The following MARCHF3 variants were observed in gnomAD, a reference collection of about 807,000 sequenced individuals.
MARCHF3 encodes the protein E3 ubiquitin-protein ligase MARCHF3.
MARCHF3 carries 13 observed loss-of-function variants against 24.2 expected under a neutral mutation model. That is an observed-to-expected ratio of 0.54 (90% CI 0.35 to 0.85). MARCHF3 has a LOEUF of 0.85. Ranked by LOEUF, MARCHF3 falls within the 40% of genes least tolerant of loss-of-function variation. The pLI, the probability that MARCHF3 is intolerant of heterozygous loss-of-function variation, is 0.01. For synonymous variants in MARCHF3, 144 were observed against 137.3 expected (o/e 1.05, Z -0.34); for missense variants, 276 against 325.0 (o/e 0.85, Z 1.16).
At chr5:126,991,523 T>A (rs539453423) in intron 1 of MARCHF3, among the ~76,000 whole-genome samples, 1 of 152,260 alleles carries the variant, frequency 6.6e-6, no homozygotes, top group African/African-American at 2.4e-5. Context: ...GTTGTGCACA[T>A]GTACCCTAGA....
intron 3 of MARCHF3, among the ~76,000 whole-genome samples, chr5:126,881,559 AATACC>A (rs1213601193): frequency 6.6e-6 from 1 of 152,232 alleles, no homozygotes; most frequent in Non-Finnish European, 1.5e-5. Flanking sequence ...CTTAACATAG[AATACC>A]ATACATTAAT....
intron 3 of MARCHF3, among the ~76,000 whole-genome samples, chr5:126,913,409 G>A (rs1486081589): frequency 6.6e-6 from 1 of 152,184 alleles, no homozygotes; most frequent in Non-Finnish European, 1.5e-5. Flanking sequence ...TTTGCCATTA[G>A]GCTTGAGAAA....
At chr5:126,911,711 T>C (rs1580632763) in intron 3 of MARCHF3, among the ~76,000 whole-genome samples, 1 of 152,100 alleles carries the variant, frequency 6.6e-6, no homozygotes, top group Non-Finnish European at 1.5e-5. Flanking sequence ...TAAATAGATA[T>C]CTACTAACCA....
At chr5:126,903,179 CTT>C (rs946487665) in intron 3 of MARCHF3, among the ~76,000 whole-genome samples, 24 of 151,944 alleles carry the variant, frequency 1.6e-4, no homozygotes, top group Non-Finnish European at 3.1e-4. Context: ...TTAGAGAACT[CTT>C]TTAAAGGTGA....
chr5:126,894,605 G>C (rs1205203905), intron 3 of MARCHF3, among the ~76,000 whole-genome samples: 1 of 151,924 alleles, frequency 6.6e-6, no homozygotes, highest in Non-Finnish European at 1.5e-5. Context: ...TAAGAATGTT[G>C]AATATTGGCC....
intron 3 of MARCHF3, among the ~76,000 whole-genome samples, chr5:126,886,007 T>TAA (rs1190707860): frequency 4.0e-5 from 6 of 148,310 alleles, no homozygotes; most frequent in East Asian, 2.0e-4. Context: ...TATATATATA[T>TAA]AATTTTTTTT....
At chr5:126,880,170 T>C (rs1753297286) in intron 3 of MARCHF3, among the ~76,000 whole-genome samples, 1 of 151,562 alleles carries the variant, frequency 6.6e-6, no homozygotes, top group Non-Finnish European at 1.5e-5. Flanking sequence ...AATGAGTGAG[T>C]AAAAGAAGCA....
At chr5:126,946,092 C>T (rs922505099) in intron 1 of MARCHF3, among the ~76,000 whole-genome samples, 2 of 151,886 alleles carry the variant, frequency 1.3e-5, no homozygotes, top group South Asian at 2.1e-4. Context: ...GAACAGGGGC[C>T]GAGCGTGGTA....
intron 1 of MARCHF3, among the ~76,000 whole-genome samples, chr5:126,987,721 G>A (rs34738240): frequency 0.051 from 7,813 of 152,190 alleles, 365 homozygotes; most frequent in South Asian, 0.13. Flanking sequence ...AAAACCCCAG[G>A]CCCACTGGGA....
chr5:126,914,485 T>G (rs1754648085), intron 3 of MARCHF3, among the ~76,000 whole-genome samples: 1 of 152,136 alleles, frequency 6.6e-6, no homozygotes, highest in Admixed American at 6.6e-5. Context: ...TGGGTCTATA[T>G]CCATTAAACT....
chr5:126,990,450 G>T (rs1032854703), intron 1 of MARCHF3, among the ~76,000 whole-genome samples: 2 of 152,094 alleles, frequency 1.3e-5, no homozygotes, highest in Non-Finnish European at 2.9e-5. Flanking sequence ...AGCCCTAGAA[G>T]AAAACCTAGG....
intron 1 of MARCHF3, among the ~76,000 whole-genome samples, chr5:126,951,852 TA>T (rs1750247815): frequency 1.3e-5 from 2 of 148,378 alleles, no homozygotes; most frequent in Non-Finnish European, 2.9e-5. Flanking sequence ...TGTAGGTGTT[TA>T]TTTTTTTTTT....
intron 1 of MARCHF3, among the ~76,000 whole-genome samples, chr5:126,925,843 T>A (rs1388571109): frequency 1.3e-5 from 2 of 152,152 alleles, no homozygotes; most frequent in Non-Finnish European, 2.9e-5. Flanking sequence ...AAAATTAAAA[T>A]GTACTCTTCA....
intron 1 of MARCHF3, among the ~76,000 whole-genome samples, chr5:126,942,452 T>A (rs1009686459): frequency 6.6e-6 from 1 of 151,354 alleles, no homozygotes; most frequent in African/African-American, 2.4e-5. Context: ...AAAAAAAAAA[T>A]AAGAATGCAA....
chr5:126,936,820 C>T (rs2126807157), intron 1 of MARCHF3, among the ~76,000 whole-genome samples: 1 of 152,250 alleles, frequency 6.6e-6, no homozygotes, highest in South Asian at 2.1e-4. Context: ...CCAAAGGCAA[C>T]CACAGAATTT....
intron 1 of MARCHF3, among the ~76,000 whole-genome samples, chr5:127,009,104 A>T (rs1456534395): frequency 6.6e-6 from 1 of 152,086 alleles, no homozygotes; most frequent in Non-Finnish European, 1.5e-5. Context: ...ATCTGTCCAA[A>T]TTTCCTCCAC....
intron 1 of MARCHF3, among the ~76,000 whole-genome samples, chr5:126,977,132 G>A (rs73786253): frequency 0.052 from 7,862 of 152,238 alleles, 375 homozygotes; most frequent in South Asian, 0.14. Flanking sequence ...TTTTGGGTCC[G>A]AGGTAAATAG....
At chr5:126,938,194 G>A (rs1342495817) in intron 1 of MARCHF3, among the ~76,000 whole-genome samples, 1 of 127,972 alleles carries the variant, frequency 7.8e-6, no homozygotes, top group Non-Finnish European at 1.6e-5. Flanking sequence ...TTTTGAGACA[G>A]TCTTGCTCTG....
At chr5:126,937,015 T>C (rs1749668816) in intron 1 of MARCHF3, among the ~76,000 whole-genome samples, 1 of 152,258 alleles carries the variant, frequency 6.6e-6, no homozygotes, top group Non-Finnish European at 1.5e-5. Flanking sequence ...AGTGTGTCAT[T>C]TGCTTTCCCT....
Sources: allele counts gnomAD v4.1 joint callset (sites outside exome capture counted in the v4.1 genomes callset), GRCh38; gene constraint gnomAD v4.1.1; transcripts MANE v1.5; gene names NCBI Gene and HGNC (gene_info 2026-07-23, HGNC 2026-07-21).